Variants in KYAT3 observed in about 807,000 individuals in gnomAD.
KYAT3 encodes the protein kynurenine aminotransferase 3.
Under a neutral mutation model 59.0 loss-of-function variants are expected in KYAT3, and 50 were observed. That is an observed-to-expected ratio of 0.85 (90% confidence interval 0.68 to 1.07). The LOEUF is 1.07. Among genes scored for constraint, KYAT3 ranks in the 50% least tolerant of loss-of-function variants. KYAT3 has a pLI of 0.00. For synonymous variants in KYAT3, 148 were observed against 177.0 expected (o/e 0.84, Z 1.30); for missense variants, 497 against 533.3 (o/e 0.93, Z 0.67).
At chr1:88,980,019 T>C (rs1676999804) in intron 2 of KYAT3, 1 of 152,196 alleles carries the variant, frequency 6.6e-6, no homozygotes, top group South Asian at 2.1e-4. Context: ...CACTGCAACC[T>C]GGTGAATTTC....
At chr1:88,922,727 G>A in the KYAT3 span, among the ~76,000 whole-genome samples, 15 of 152,148 alleles carry the variant, frequency 9.9e-5, no homozygotes, top group Non-Finnish European at 2.2e-4. Flanking sequence ...GACTTAAGAT[G>A]TTTGCTCACC....
At chr1:88,982,091 G>C in intron 2 of KYAT3, 1 of 986,280 alleles carries the variant, frequency 1.0e-6, no homozygotes. Flanking sequence ...AGGCAAAATG[G>C]CCAGCATTAT....
intron 9 of KYAT3, among the ~76,000 whole-genome samples, chr1:88,953,721 T>C (rs1269589369): frequency 6.6e-6 from 1 of 152,148 alleles, no homozygotes; most frequent in Non-Finnish European, 1.5e-5. Flanking sequence ...TTATTAGCCT[T>C]TTCCTTTCTA....
chr1:88,922,288 A>T, the KYAT3 span, among the ~76,000 whole-genome samples: 1 of 152,224 alleles, frequency 6.6e-6, no homozygotes, highest in African/African-American at 2.4e-5. Context: ...AAGGGGTGAC[A>T]GAGACAATAC....
At chr1:88,947,317 A>ACT (rs1553167939) in intron 11 of KYAT3, among the ~76,000 whole-genome samples, 1 of 151,664 alleles carries the variant, frequency 6.6e-6, no homozygotes, top group African/African-American at 2.4e-5. Context: ...CACAGATCCC[A>ACT]CTCTCTCTCT....
At chr1:88,988,470 G>T in intron 1 of KYAT3, 119 bp from the exon 2 acceptor site, 1 of 544,618 alleles carries the variant, frequency 1.8e-6, no homozygotes, top group South Asian at 3.4e-5. Flanking sequence ...AAACATTTTT[G>T]ATAAGTGAGT....
intron 6 of KYAT3, among the ~76,000 whole-genome samples, chr1:88,961,827 A>G (rs1324099881): frequency 1.3e-5 from 2 of 152,254 alleles, no homozygotes; most frequent in Admixed American, 6.5e-5. Flanking sequence ...GGAACTAGCT[A>G]TAACTATGGT....
chr1:88,985,313 C>G (rs1677389607), intron 2 of KYAT3, among the ~76,000 whole-genome samples: 6 of 152,190 alleles, frequency 3.9e-5, no homozygotes, highest in Admixed American at 3.9e-4. Flanking sequence ...CTCAGCTCCC[C>G]CAATCACAGC....
the KYAT3 span, among the ~76,000 whole-genome samples, chr1:88,925,718 A>T: frequency 2.6e-5 from 4 of 151,494 alleles, no homozygotes; most frequent in Non-Finnish European, 5.9e-5. Context: ...GGAGAGACAG[A>T]GGAGAGAGAG....
chr1:88,958,814 C>T (rs981428121), intron 8 of KYAT3, among the ~76,000 whole-genome samples: 1 of 152,068 alleles, frequency 6.6e-6, no homozygotes, highest in Non-Finnish European at 1.5e-5. Flanking sequence ...CACAATATCA[C>T]CATTTCATGA....
chr1:88,953,147 G>A lies in KYAT3; in HGVS notation c.870C>T (p.Gly290=), dbSNP rs1247110722. 8 of 1,606,608 alleles carry A rather than the reference G, an allele frequency of 5.0e-6. No homozygotes were observed. Among genetic ancestry groups the A allele is most frequent in the Non-Finnish European group, 6.8e-6 (8 of 1,173,716 alleles). The change falls in exon 10 of 14, where the codon GGC becomes GGT. Residue 290 remains glycine (G), a synonymous_variant. Coordinates refer to ENST00000260508, the MANE Select transcript of KYAT3 (RefSeq NM_001008661.3). ...TCAAATGATTTGGACCAATGGACCA[G>A]CCAAGCTGGGAAAGGAAAAGATAAA... ...KTFSVTGWKL[G]WSIGPNHLIK...
At position 88,943,016 on chromosome 1, in the gene KYAT3, A is replaced by C; in HGVS notation, c.1291T>G (p.Cys431Gly). The C allele has an allele frequency of 1.9e-6, 3 of 1,612,266 alleles. No homozygotes were observed. The highest frequency in any genetic ancestry group is 2.5e-6 in the Non-Finnish European group (3 of 1,178,634). ...AGCAGGGAACTTACTTTAATGAAGC[A>C]AAAACGCACAAACTTCTCAAACTGT... ...KSQFEKFVRF[C>G]FIKKDSTLDA... is the part of the protein sequence containing the mutation. Residue 431 changes from cysteine to glycine, a missense_variant, in exon 13 of 14, where the codon TGC becomes GGC. Physicochemically the swap from Cys to Gly is radical, Grantham distance 159. This residue lies in a region of KYAT3 where 28 missense variants were observed against 54.2 expected (regional missense o/e 0.52). Transcript: ENST00000260508.
chr1:88,937,007 C>T lies in KYAT3; in HGVS notation c.1303-762G>A, dbSNP rs542783498. On this transcript the variant is annotated intron_variant, in intron 13 of 13. Transcript: ENST00000260508. ...TGAGCAGGCTGGTCAGCATGGGTGT[C>T]ATGAGGTGATAGTGCTGGCTGGAAC... 2.0e-5 allele frequency among the ~76,000 whole-genome samples: 3 copies of T among 152,272 alleles called. No homozygotes were observed. The East Asian group carries it at 5.8e-4, about 29-fold the overall frequency.
chr1:88,948,953 T>C (rs1675556559), intron 11 of KYAT3, 138 bp downstream of exon 11: 1 of 613,096 alleles, frequency 1.6e-6, no homozygotes, highest in Non-Finnish European at 2.6e-6. Context: ...TTATAGAAAA[T>C]GTAGACATTG....
At chr1:88,923,285 T>C in the KYAT3 span, 1 of 152,192 alleles carries the variant, frequency 6.6e-6, no homozygotes, top group South Asian at 2.1e-4. Context: ...GGGAGACAAG[T>C]CCCAGGAATA....
chr1:88,954,325 G>A lies in KYAT3; in HGVS notation c.864+824C>T, dbSNP rs1046120073. On this transcript the variant is annotated intron_variant, in intron 9 of 13. Transcript: ENST00000260508. ...CATGAATTCTGGAGCCAGACTTCCT[G>A]TACAGGCTTGAATTTATTAGCTGGG... 3.9e-5 allele frequency among the ~76,000 whole-genome samples: 6 copies of A among 152,324 alleles called. No individual in the cohort carries two copies. The East Asian group carries it at 1.2e-3, about 29-fold the overall frequency.
the KYAT3 span, among the ~76,000 whole-genome samples, chr1:88,924,836 C>T: frequency 6.6e-6 from 1 of 152,190 alleles, no homozygotes; most frequent in Non-Finnish European, 1.5e-5. Context: ...GAACACTAGT[C>T]ACTGGGTTCC....
Position 88,940,590 on chromosome 1 carries a change from G to GT in KYAT3, c.1302+2414dup. On this transcript the variant is annotated intron_variant, in intron 13 of 13. Transcript: ENST00000260508. Reference sequence around the variant, plus strand: ...CATAGTAAAATTTAATACAGTTGATGTAGGGTTCAGTGGGTGGGAGTTCTT... The same window carrying GT: ...CATAGTAAAATTTAATACAGTTGATGTTAGGGTTCAGTGGGTGGGAGTTCTT... Among the ~76,000 whole-genome samples the GT allele has an allele frequency of 2.0e-5, 3 of 152,296 alleles. No homozygotes were observed. In the Middle Eastern group the frequency reaches 0.01, roughly 518 times the overall value.
the KYAT3 span, among the ~76,000 whole-genome samples, chr1:88,921,998 C>G: frequency 3.3e-5 from 5 of 152,188 alleles, no homozygotes; most frequent in African/African-American, 9.7e-5. Flanking sequence ...TACAGTTACA[C>G]ACTGTGGCCT....
Sources: gnomAD v4.1 joint callset for allele counts (sites outside exome capture counted in the v4.1 genomes callset) on GRCh38, gnomAD v4.1.1 for gene constraint, gnomAD v4.1.1 regional missense constraint, MANE v1.5 for transcripts, NCBI Gene and HGNC (gene_info 2026-07-23, HGNC 2026-07-21) for gene names.